Variants in PDE7B observed in about 807,000 individuals in gnomAD.
PDE7B encodes the protein phosphodiesterase 7B, also known as 3',5'-cyclic-AMP phosphodiesterase 7B.
In PDE7B, 29 loss-of-function variants were observed where a neutral mutation model predicts 56.2. The ratio of observed to expected loss-of-function variants is 0.52; its 90% CI spans 0.38 to 0.70. The LOEUF is 0.70. Among genes scored for constraint, PDE7B ranks in the 30% least tolerant of loss-of-function variants. The pLI, the probability that PDE7B is intolerant of heterozygous loss-of-function variation, is 0.00. For synonymous variants in PDE7B, 197 were observed against 196.9 expected (o/e 1.00, Z 0.00); for missense variants, 490 against 565.0 (o/e 0.87, Z 1.35).
chr6:135,938,797 C>A (rs1300476091), intron 1 of PDE7B, among the ~76,000 whole-genome samples: 1 of 152,138 alleles, frequency 6.6e-6, no homozygotes, highest in African/African-American at 2.4e-5. Flanking sequence ...AGCCATATAG[C>A]CTTTCTATTG....
intron 8 of PDE7B, among the ~76,000 whole-genome samples, chr6:136,158,752 T>C (rs1455305657): frequency 6.6e-6 from 1 of 152,114 alleles, no homozygotes; most frequent in Non-Finnish European, 1.5e-5. Flanking sequence ...ACCTCTCTCA[T>C]CAGACTGGAA....
intron 1 of PDE7B, among the ~76,000 whole-genome samples, chr6:135,931,945 A>ACG (rs35929261): frequency 1.2e-5 from 1 of 84,032 alleles, no homozygotes; most frequent in African/African-American, 5.8e-5. Flanking sequence ...GCACACACAC[A>ACG]CGCGCGCGCA....
At chr6:135,902,924 A>T (rs1776031709) in intron 1 of PDE7B, among the ~76,000 whole-genome samples, 1 of 152,206 alleles carries the variant, frequency 6.6e-6, no homozygotes, top group African/African-American at 2.4e-5. Context: ...ACTGATTAGG[A>T]AACAGGATGA....
intron 1 of PDE7B, among the ~76,000 whole-genome samples, chr6:135,939,974 T>G (rs1774482061): frequency 6.6e-6 from 1 of 152,208 alleles, no homozygotes; most frequent in Non-Finnish European, 1.5e-5. Flanking sequence ...GATACAATGC[T>G]AGAGTAATTC....
chr6:136,081,313 A>G (rs962896099), intron 2 of PDE7B, among the ~76,000 whole-genome samples: 5 of 152,222 alleles, frequency 3.3e-5, no homozygotes, highest in African/African-American at 1.2e-4. Flanking sequence ...AGATCTAGAA[A>G]GGACCCAATG....
chr6:135,936,005 G>A (rs1398199596), intron 1 of PDE7B, among the ~76,000 whole-genome samples: 1 of 152,194 alleles, frequency 6.6e-6, no homozygotes, highest in African/African-American at 2.4e-5. Context: ...CTATGCAAAA[G>A]TGTTTGTTCG....
At chr6:136,154,541 G>A (rs1778576198) in intron 7 of PDE7B, among the ~76,000 whole-genome samples, 1 of 151,992 alleles carries the variant, frequency 6.6e-6, no homozygotes, top group African/African-American at 2.4e-5. Context: ...ACTTTGTTGG[G>A]AAAAGTCTCC....
intron 1 of PDE7B, among the ~76,000 whole-genome samples, chr6:135,863,040 T>C (rs1460265912): frequency 6.6e-6 from 1 of 151,970 alleles, no homozygotes; most frequent in Non-Finnish European, 1.5e-5. Context: ...TTAAGATCTT[T>C]GAATTTTTTG....
chr6:136,171,420 C>T (rs919019125), intron 8 of PDE7B, among the ~76,000 whole-genome samples: 1 of 152,158 alleles, frequency 6.6e-6, no homozygotes, highest in Non-Finnish European at 1.5e-5. Flanking sequence ...AAATCAGAAC[C>T]ATAATGACTG....
At chr6:136,010,832 G>A (rs966630828) in intron 2 of PDE7B, among the ~76,000 whole-genome samples, 4 of 152,088 alleles carry the variant, frequency 2.6e-5, no homozygotes, top group South Asian at 4.1e-4. Flanking sequence ...CATAGTCCTG[G>A]TTCCAGGGTT....
At chr6:135,872,445 C>A (rs1445143333) in intron 1 of PDE7B, among the ~76,000 whole-genome samples, 2 of 151,516 alleles carry the variant, frequency 1.3e-5, no homozygotes, top group African/African-American at 4.9e-5. Context: ...CAAAAAAAAT[C>A]ATACAGAAAA....
At chr6:135,986,464 C>A (rs1268680276) in intron 2 of PDE7B, among the ~76,000 whole-genome samples, 3 of 152,168 alleles carry the variant, frequency 2.0e-5, no homozygotes, top group Non-Finnish European at 4.4e-5. Context: ...GAGACTCAAT[C>A]CAGCTTTAAG....
intron 10 of PDE7B, 38 bp downstream of exon 10, chr6:136,179,179 G>A (rs2128451017): frequency 1.2e-6 from 2 of 1,602,734 alleles, no homozygotes; most frequent in Non-Finnish European, 1.7e-6. Context: ...TTTGCTGAGT[G>A]AAAACACTCA....
At chr6:136,174,670 A>G (rs1258945126) in intron 9 of PDE7B, among the ~76,000 whole-genome samples, 1 of 152,148 alleles carries the variant, frequency 6.6e-6, no homozygotes, top group Non-Finnish European at 1.5e-5. Context: ...ACTTGAGGTC[A>G]AGGACCAAGT....
intron 1 of PDE7B, among the ~76,000 whole-genome samples, chr6:135,924,999 T>G (rs897807282): frequency 2.0e-5 from 3 of 147,154 alleles, no homozygotes; most frequent in East Asian, 3.9e-4. Flanking sequence ...TTTGGGTGTT[T>G]TTTTTTTTTT....
At chr6:135,988,860 G>A (rs1349674566) in intron 2 of PDE7B, among the ~76,000 whole-genome samples, 1 of 152,170 alleles carries the variant, frequency 6.6e-6, no homozygotes, top group East Asian at 1.9e-4. Flanking sequence ...CAGACTGATG[G>A]ATGTTTATTA....
chr6:136,076,858 G>A (rs570851316), intron 2 of PDE7B, among the ~76,000 whole-genome samples: 1 of 152,194 alleles, frequency 6.6e-6, no homozygotes, highest in Non-Finnish European at 1.5e-5. Context: ...TGTACTAAAC[G>A]ACAGCACCTA....
intron 2 of PDE7B, among the ~76,000 whole-genome samples, chr6:136,069,853 GT>G (rs1459810710): frequency 6.6e-6 from 1 of 151,878 alleles, no homozygotes; most frequent in Non-Finnish European, 1.5e-5. Flanking sequence ...TAAAGAATCA[GT>G]TTAAAAGATG....
At chr6:136,027,644 C>G (rs1008092729) in intron 2 of PDE7B, among the ~76,000 whole-genome samples, 3 of 152,006 alleles carry the variant, frequency 2.0e-5, no homozygotes, top group Admixed American at 1.3e-4. Context: ...TATTTTGAGA[C>G]AGAGTCTTGC....
Sources: allele counts gnomAD v4.1 joint callset (sites outside exome capture counted in the v4.1 genomes callset), GRCh38; gene constraint gnomAD v4.1.1; transcripts MANE v1.5; gene names NCBI Gene and HGNC (gene_info 2026-07-23, HGNC 2026-07-21).